Variants in RHPN2 observed in about 807,000 individuals in gnomAD.
RHPN2 encodes the protein rhophilin-2.
RHPN2 carries 40 observed loss-of-function variants against 79.0 expected under a neutral mutation model. The observed-to-expected ratio is 0.51, with a 90% CI of 0.39 to 0.66. RHPN2 has a LOEUF of 0.66. Among genes scored for constraint, RHPN2 ranks in the 30% least tolerant of loss-of-function variants. The pLI, the probability that RHPN2 is intolerant of heterozygous loss-of-function variation, is 0.00. For synonymous variants in RHPN2, 285 were observed against 363.5 expected, an observed-to-expected ratio of 0.78 and a Z score of 2.46; for missense variants, 686 against 883.5, an observed-to-expected ratio of 0.78 and a Z score of 2.83.
At position 32,996,064 on chromosome 19, in the gene RHPN2, T is replaced by A. The variant is rs1299352899; in HGVS notation, c.1382A>T (p.Asp461Val). ...RLTYAQHQEE[D>V]DLLNLIDAPS... ...GGCGTCGATCAGGTTCAGCAGGTCA[T>A]CCTCCTCCTGGTGCTGGGCGTACGT... Residue 461 changes from aspartate (D) to valine (V), a missense_variant, in exon 11 of 15, where the codon GAT becomes GTT. By Grantham distance (152) the Asp-to-Val change is radical. Transcript: ENST00000254260. 3.1e-6 allele frequency: 5 copies of A among 1,613,932 alleles called. No individual in the cohort carries two copies. Among genetic ancestry groups the A allele is most frequent in the Admixed American group, 1.7e-5 (1 of 60,008 alleles).
At chr19:33,034,951 T>A (rs8110819) in intron 2 of RHPN2, among the ~76,000 whole-genome samples, 3,540 of 152,082 alleles carry the variant, frequency 0.023, 129 homozygotes, top group African/African-American at 0.081. Context: ...ATATGTTTTT[T>A]ATTTTAGTTT....
chr19:33,002,146 G>A (rs566422227), intron 9 of RHPN2, 101 bp downstream of exon 9: 1 of 1,397,550 alleles, frequency 7.2e-7, no homozygotes, highest in Admixed American at 2.0e-5. Context: ...CAGCCTGTGA[G>A]CATCTCCAGG....
chr19:33,036,872 C>CCCA (rs1555713791), intron 2 of RHPN2, among the ~76,000 whole-genome samples: 10 of 143,468 alleles, frequency 7.0e-5, no homozygotes, highest in Admixed American at 5.1e-4. Flanking sequence ...ATGCCTGAGC[C>CCCA]CCCCCGCCAC....
At chr19:33,017,138 G>C (rs1971884314) in intron 4 of RHPN2, among the ~76,000 whole-genome samples, 1 of 152,114 alleles carries the variant, frequency 6.6e-6, no homozygotes, top group Admixed American at 6.6e-5. Flanking sequence ...CAGCACTTTG[G>C]GAGGCTGAGG....
At chr19:32,995,435 G>A (rs1303787719) in intron 11 of RHPN2, among the ~76,000 whole-genome samples, 1 of 152,058 alleles carries the variant, frequency 6.6e-6, no homozygotes, top group Non-Finnish European at 1.5e-5. Flanking sequence ...GGCAAATCAT[G>A]ACCACTGACA....
chr19:33,012,718 T>C lies in RHPN2; in HGVS notation c.397A>G (p.Ile133Val), dbSNP rs1334281685. ...VDFAVVLKDF[I>V]LEHYSEDGYL... ...CCATCTTCACTGTAATGTTCCAGGA[T>C]AAAATCCTTAAAGAAAAATGAGGTC... Residue 133 changes from isoleucine (I) to valine (V), a missense_variant, in exon 5 of 15, where the codon ATC (isoleucine) becomes GTC (valine). Physicochemically the swap from Ile to Val is conservative, Grantham distance 29. Coordinates refer to ENST00000254260, the MANE Select transcript of RHPN2 (RefSeq NM_033103.5). 1.1e-5 allele frequency: 17 copies of C among 1,579,040 alleles called. No homozygotes were observed. Among genetic ancestry groups the C allele is most frequent in the Non-Finnish European group, 1.5e-5 (17 of 1,148,190 alleles).
At chr19:33,034,084 C>T (rs1599827535) in intron 2 of RHPN2, among the ~76,000 whole-genome samples, 1 of 151,668 alleles carries the variant, frequency 6.6e-6, no homozygotes, top group East Asian at 2.0e-4. Flanking sequence ...TCTCAAACTG[C>T]TAAGACAAAG....
chr19:33,023,214 C>T (rs192508011), intron 3 of RHPN2, among the ~76,000 whole-genome samples: 1 of 152,196 alleles, frequency 6.6e-6, no homozygotes, highest in African/African-American at 2.4e-5. Context: ...ATGGGTAGAT[C>T]ACCTGAGGTC....
chr19:33,026,755 G>A, intron 2 of RHPN2, 123 bp from the exon 3 acceptor site: 1 of 1,201,276 alleles, frequency 8.3e-7, no homozygotes, highest in South Asian at 1.2e-5. Context: ...AGGGCCAGGA[G>A]TGTCGGTTAA....
rs553650569 is a variant in RHPN2, at chr19:33,038,949, C to T, written c.185+5300G>A. Among the ~76,000 whole-genome samples the T allele has an allele frequency of 2.6e-3, 403 of 152,214 alleles. 1 individual carries two copies. The highest frequency in any genetic ancestry group is 9.4e-3 in the African/African-American group (389 of 41,542). ...CTGTGATTACAGACTTGAGCCACCA[C>T]GCCTGGTCTAAAAAGTTTTTTTTTT... On this transcript the variant is annotated intron_variant, in intron 2 of 14. Transcript: ENST00000254260.
At chr19:33,047,601 C>T (rs1038974146) in intron 1 of RHPN2, among the ~76,000 whole-genome samples, 4 of 152,150 alleles carry the variant, frequency 2.6e-5, no homozygotes, top group African/African-American at 7.2e-5. Flanking sequence ...TTTCTCTCTC[C>T]CTGAGTCACA....
chr19:33,011,484 C>T (rs1480104474), intron 6 of RHPN2, among the ~76,000 whole-genome samples, 195 bp downstream of exon 6: 1 of 152,174 alleles, frequency 6.6e-6, no homozygotes, highest in Non-Finnish European at 1.5e-5. Flanking sequence ...CTGTTGGAGC[C>T]ATCTCCCCTC....
intron 1 of RHPN2, among the ~76,000 whole-genome samples, chr19:33,056,983 G>C (rs1448509615): frequency 6.6e-6 from 1 of 151,744 alleles, no homozygotes; most frequent in African/African-American, 2.4e-5. Flanking sequence ...AGCCGGACAT[G>C]GTGGCGGTCG....
At position 32,988,225 on chromosome 19, in the gene RHPN2, A is replaced by C. The variant is rs10421719; in HGVS notation, c.1800+2289T>G. Among the ~76,000 whole-genome samples the C allele has an allele frequency of 4.4e-4, 42 of 95,362 alleles. No individual in the cohort carries two copies. The South Asian group carries it at 6.6e-3, about 15-fold the overall frequency. The allele number at this position is 95,362 out of a possible 152,430, so 62.6% of individuals were successfully genotyped here. Reference sequence around the variant, plus strand: ...AAACAACAACAACAAAAAAAAAAACAAAACAAACAAAACAACAACAACAGA... The same window carrying C: ...AAACAACAACAACAAAAAAAAAAACCAAACAAACAAAACAACAACAACAGA... On this transcript the variant is annotated intron_variant, in intron 14 of 14. Coordinates refer to ENST00000254260, the MANE Select transcript of RHPN2 (RefSeq NM_033103.5).
intron 1 of RHPN2, among the ~76,000 whole-genome samples, chr19:33,051,872 CTT>C (rs1035596677): frequency 8.2e-6 from 1 of 122,596 alleles, no homozygotes; most frequent in Non-Finnish European, 1.5e-5. Flanking sequence ...AAATACAAAA[CTT>C]AGCCCAGGCG....
chr19:33,050,186 G>C (rs1361025444), intron 1 of RHPN2, among the ~76,000 whole-genome samples: 1 of 152,150 alleles, frequency 6.6e-6, no homozygotes, highest in African/African-American at 2.4e-5. Context: ...GGGAGGCTGT[G>C]ACACTGAGCA....
Position 33,012,771 on chromosome 19 carries a change from A to G in RHPN2, c.391-47T>C, listed in dbSNP as rs762314809. On this transcript the variant is annotated intron_variant, in intron 4 of 14. Coordinates refer to ENST00000254260, the MANE Select transcript of RHPN2 (RefSeq NM_033103.5). ...ATGTTATAAAGTGTGGCTGAAAACC[A>G]TATGTGTGCATAATAGTAATATGTC... is the stretch of plus-strand genomic sequence containing the variant. 22 of 1,022,598 alleles carry G rather than the reference A, an allele frequency of 2.2e-5. No individual in the cohort carries two copies. In the African/African-American group the frequency reaches 2.2e-4, roughly 10 times the overall value. 63.3% of individuals were successfully genotyped at this position (1,022,598 alleles called of 1,614,324 possible).
chr19:33,032,245 G>C (rs1378604663), intron 2 of RHPN2, among the ~76,000 whole-genome samples: 1 of 151,472 alleles, frequency 6.6e-6, no homozygotes, highest in African/African-American at 2.4e-5. Flanking sequence ...TCCACCTCCT[G>C]ACCTCAGGTG....
intron 1 of RHPN2, among the ~76,000 whole-genome samples, chr19:33,063,808 A>ACCCACCG (rs1972302283): frequency 7.6e-6 from 1 of 131,162 alleles, no homozygotes; most frequent in Non-Finnish European, 1.6e-5. Context: ...GGCACCCGCC[A>ACCCACCG]CCCGCCGCCC....
Sources: allele counts gnomAD v4.1 joint callset (sites outside exome capture counted in the v4.1 genomes callset), GRCh38; gene constraint gnomAD v4.1.1; transcripts MANE v1.5; gene names NCBI Gene and HGNC (gene_info 2026-07-23, HGNC 2026-07-21).